QRICH1: variants seen among roughly 807,000 people sequenced by gnomAD.
The protein encoded by QRICH1 is glutamine rich 1.
QRICH1 carries 16 observed loss-of-function variants against 87.1 expected under a neutral mutation model. The observed-to-expected ratio is 0.18, with a 90% CI of 0.12 to 0.28. The LOEUF is 0.28. Ranked by LOEUF, QRICH1 falls within the 10% of genes least tolerant of loss-of-function variation. The pLI is 1.00. For synonymous variants in QRICH1, 367 were observed against 368.4 expected, an observed-to-expected ratio of 1.00 and a Z score of 0.05; for missense variants, 647 against 951.7, an observed-to-expected ratio of 0.68 and a Z score of 4.21.
At chr3:49,038,244 G>T (rs527323346) in intron 6 of QRICH1, among the ~76,000 whole-genome samples, 5 of 150,626 alleles carry the variant, frequency 3.3e-5, no homozygotes, top group African/African-American at 9.8e-5. Flanking sequence ...TGTATTTTTA[G>T]TAGAGACAGG....
intron 1 of QRICH1, among the ~76,000 whole-genome samples, chr3:49,090,548 A>C (rs1182013822): frequency 6.6e-6 from 1 of 151,442 alleles, no homozygotes; most frequent in Non-Finnish European, 1.5e-5. Flanking sequence ...GAATTGCTTG[A>C]ACCCGGAAGG....
intron 3 of QRICH1, 154 bp downstream of exon 3, chr3:49,056,708 C>A: frequency 1.5e-6 from 2 of 1,295,976 alleles, no homozygotes; most frequent in Admixed American, 2.1e-5. Flanking sequence ...CATAGCCTCA[C>A]GTGATGTTTC....
intron 2 of QRICH1, among the ~76,000 whole-genome samples, chr3:49,063,416 G>A (rs1475253563): frequency 6.6e-6 from 1 of 152,158 alleles, no homozygotes; most frequent in Non-Finnish European, 1.5e-5. Context: ...TTAAGAACTA[G>A]GGCTATATGC....
intron 3 of QRICH1, among the ~76,000 whole-genome samples, chr3:49,052,222 A>G (rs1400234519): frequency 6.6e-6 from 1 of 152,122 alleles, no homozygotes; most frequent in Non-Finnish European, 1.5e-5. Flanking sequence ...GAGTAAGGGA[A>G]AGCAGACACA....
intron 9 of QRICH1, 86 bp from the exon 10 acceptor site, chr3:49,030,730 A>T: frequency 8.4e-7 from 1 of 1,187,164 alleles, no homozygotes; most frequent in Non-Finnish European, 1.2e-6. Context: ...TGCTGTCTGC[A>T]AACAGTAAGG....
In QRICH1 at chr3:49,057,798, C is replaced by T; in HGVS notation, c.402G>A (p.Gln134=). The change falls in exon 3 of 10, where the codon CAG becomes CAA. Residue 134 remains glutamine (Q), a synonymous_variant. Coordinates refer to ENST00000395443, the MANE Select transcript of QRICH1 (RefSeq NM_198880.3). This position sits in a 1 kb window ranked among gnomAD's most constrained non-coding sequence, Gnocchi z 5.4. ...TVHQPTEQPI[Q]VQVQIQGQAP... ...CCTGGCCTTGGATCTGCACCTGGAC[C>T]TGGATGGGTTGCTCAGTAGGCTGGT... The T allele has an allele frequency of 6.2e-7, 1 of 1,614,086 alleles. No individual in the cohort carries two copies. Among genetic ancestry groups the T allele is most frequent in the Non-Finnish European group, 8.5e-7 (1 of 1,180,016 alleles).
At chr3:49,047,027 T>C (rs764765202) in intron 4 of QRICH1, 42 bp downstream of exon 4, 6 of 1,583,368 alleles carry the variant, frequency 3.8e-6, no homozygotes, top group Middle Eastern at 2.0e-4. Context: ...TTTAGTACCA[T>C]TGCATTTTAG....
chr3:49,069,110 T>TTA (rs2093485916), intron 2 of QRICH1, among the ~76,000 whole-genome samples: 4 of 93,724 alleles, frequency 4.3e-5, no homozygotes, highest in Admixed American at 3.0e-4. Flanking sequence ...TATTATTATT[T>TTA]TTTTTTTTTT....
rs547884046 is a variant in QRICH1, at chr3:49,056,177, T to C, written c.1338+685A>G. ...TTTTAGTAGAGACGTGGTTTCATCA[T>C]ATTGGCCAGGCTGGTCTCAAACTCC... On this transcript the variant is annotated intron_variant, in intron 3 of 9. Coordinates refer to ENST00000395443, the MANE Select transcript of QRICH1 (RefSeq NM_198880.3). 3.5e-4 allele frequency among the ~76,000 whole-genome samples: 53 copies of C among 152,146 alleles called. No homozygotes were observed. The East Asian group carries it at 8.5e-3, about 24-fold the overall frequency.
chr3:49,052,459 C>A (rs1347875683), intron 3 of QRICH1, among the ~76,000 whole-genome samples: 1 of 152,146 alleles, frequency 6.6e-6, no homozygotes, highest in African/African-American at 2.4e-5. Flanking sequence ...GATTAAGACA[C>A]AGGCTCCAGG....
chr3:49,052,600 G>A (rs933542090), intron 3 of QRICH1, among the ~76,000 whole-genome samples: 3 of 152,202 alleles, frequency 2.0e-5, no homozygotes, highest in African/African-American at 7.2e-5. Flanking sequence ...CCACCTCCCA[G>A]GTTCAGGCAA....
chr3:49,070,250 C>G (rs1370606610), intron 2 of QRICH1, among the ~76,000 whole-genome samples: 2 of 152,014 alleles, frequency 1.3e-5, no homozygotes, highest in Non-Finnish European at 2.9e-5. Flanking sequence ...GTTGGCCAGG[C>G]TGGTCTCAAA....
chr3:49,053,488 A>AC (rs1331773238), intron 3 of QRICH1, among the ~76,000 whole-genome samples: 1 of 148,414 alleles, frequency 6.7e-6, no homozygotes, highest in South Asian at 2.1e-4. Context: ...CCCTGTCTCA[A>AC]AAAAAAAAAA....
intron 3 of QRICH1, among the ~76,000 whole-genome samples, chr3:49,047,479 GTTTT>G (rs397724825): frequency 2.8e-5 from 3 of 109,058 alleles, no homozygotes; most frequent in South Asian, 6.7e-4. Context: ...ACTTTTAAAT[GTTTT>G]TTTTTTTTTT....
chr3:49,078,386 CTTTT>C (rs60933196), intron 1 of QRICH1, among the ~76,000 whole-genome samples: 2 of 69,826 alleles, frequency 2.9e-5, no homozygotes, highest in Admixed American at 2.4e-4. Context: ...ATTATGGTTC[CTTTT>C]TTTTTTTTTT....
intron 1 of QRICH1, among the ~76,000 whole-genome samples, chr3:49,079,912 C>T (rs2042025234): frequency 6.6e-6 from 1 of 152,048 alleles, no homozygotes; most frequent in East Asian, 1.9e-4. Flanking sequence ...ACCTGTAATA[C>T]CAGCTACTCG....
chr3:49,040,938 C>T (rs1416896436), intron 6 of QRICH1, among the ~76,000 whole-genome samples: 1 of 152,112 alleles, frequency 6.6e-6, no homozygotes, highest in East Asian at 1.9e-4. Flanking sequence ...TTCATTACTT[C>T]AATTTGCAAC....
intron 2 of QRICH1, among the ~76,000 whole-genome samples, chr3:49,069,123 T>TTTA (rs2093486119): frequency 2.1e-5 from 3 of 145,192 alleles, no homozygotes; most frequent in Non-Finnish European, 4.5e-5. Context: ...TTTTTTTTTT[T>TTTA]GAGATAGTCT....
chr3:49,040,688 A>C (rs963384225), intron 6 of QRICH1, among the ~76,000 whole-genome samples: 1 of 152,186 alleles, frequency 6.6e-6, no homozygotes, highest in Non-Finnish European at 1.5e-5. Context: ...ACAGGGATTA[A>C]AACTCGGATA....
Sources: allele counts gnomAD v4.1 joint callset (sites outside exome capture counted in the v4.1 genomes callset), GRCh38; gene constraint gnomAD v4.1.1; non-coding constraint Gnocchi (gnomAD v3.1); transcripts MANE v1.5; gene names NCBI Gene and HGNC (gene_info 2026-07-23, HGNC 2026-07-21).